PIEZO2: variants seen among roughly 807,000 people sequenced by gnomAD.
PIEZO2 encodes piezo-type mechanosensitive ion channel component 2.
A neutral mutation model predicts 337.3 loss-of-function variants in PIEZO2; 172 were observed. The ratio of observed to expected loss-of-function variants is 0.51; its 90% CI spans 0.45 to 0.58. The LOEUF (loss-of-function observed/expected upper bound fraction) is 0.58. Among genes scored for constraint, PIEZO2 ranks in the 20% least tolerant of loss-of-function variants. The pLI, the probability that PIEZO2 is intolerant of heterozygous loss-of-function variation, is 0.00. For synonymous variants in PIEZO2, 1,251 were observed against 1,228.5 expected, an observed-to-expected ratio of 1.02 and a Z score of -0.38; for missense variants, 3,028 against 3,391.3, an observed-to-expected ratio of 0.89 and a Z score of 2.66.
chr18:10,830,593 GA>G lies in PIEZO2; in HGVS notation c.918-23320del, dbSNP rs2040817376. Among the ~76,000 whole-genome samples, 4 of 152,248 alleles carry G rather than the reference GA, an allele frequency of 2.6e-5. No individual in the cohort carries two copies. In the East Asian group the frequency reaches 7.7e-4, roughly 29 times the overall value. On this transcript the variant is annotated intron_variant, in intron 7 of 55. Transcript: ENST00000674853. The surrounding 1 kb of genome is among the most constrained non-coding windows in gnomAD (Gnocchi z 4.7). ...TAAAACTACTAAAAGAAAACATTGG[GA>G]AAAATCTCCAGGACATTGGTCTGGG... is the stretch of plus-strand genomic sequence containing the variant.
chr18:10,789,476 T>A, intron 14 of PIEZO2, 111 bp from the exon 15 acceptor site: 1 of 1,283,498 alleles, frequency 7.8e-7, no homozygotes, highest in Non-Finnish European at 1.0e-6. Flanking sequence ...AGTTATTGTA[T>A]AATTTGGATG....
chr18:11,066,131 C>T lies in PIEZO2; in HGVS notation c.156G>A (p.Met52Ile). The part of the protein sequence containing the change: ...PLFSEPTKTT[M>I]QGHTGRLLKS... ...ACGATAACAAAATTCTCTTACCTTG[C>T]ATCGTCGTTTTTGTTGGTTCTGAGA... The change falls in exon 2 of 56, where the codon ATG becomes ATA. Residue 52 changes from methionine (M) to isoleucine (I), a missense_variant. Met to Ile is a conservative substitution (Grantham distance 10). This residue lies in a region of PIEZO2 where 542 missense variants were observed against 605.6 expected (regional missense o/e 0.89). Transcript: ENST00000674853. 6.5e-7 allele frequency: 1 copy of T among 1,530,696 alleles called. No homozygotes were observed. The highest frequency in any genetic ancestry group is 1.4e-5 in the African/African-American group (1 of 72,990). The allele number at this position is 1,530,696 out of a possible 1,614,324, so 94.8% of individuals were successfully genotyped here. A position where few individuals can be genotyped will look rare whatever the true frequency, so the allele number is the denominator to read the frequency against.
At chr18:10,799,235 A>C (rs1450075345) in intron 11 of PIEZO2, among the ~76,000 whole-genome samples, 2 of 152,222 alleles carry the variant, frequency 1.3e-5, no homozygotes, top group Non-Finnish European at 2.9e-5. Context: ...ACAAGGTCTA[A>C]GAACTCTGGC....
intron 1 of PIEZO2, among the ~76,000 whole-genome samples, chr18:11,118,032 G>C (rs1388686944): frequency 6.6e-6 from 1 of 152,230 alleles, no homozygotes; most frequent in Non-Finnish European, 1.5e-5. Context: ...CAGCACACAT[G>C]TAACAATTTT....
Position 10,726,325 on chromosome 18 carries a change from G to A in PIEZO2, c.5029+5082C>T. ...GGCCAGGTGGAGCAGGTGGGTCCCC[G>A]AACGCCCCGCCCAGCGCTGCCTCCC... On this transcript the variant is annotated intron_variant, in intron 36 of 55. Transcript: ENST00000674853. This position sits in a 1 kb window ranked among gnomAD's most constrained non-coding sequence, Gnocchi z 5.9. 1 of 1,404,902 alleles carries A rather than the reference G, an allele frequency of 7.1e-7. No homozygotes were observed. The highest frequency in any genetic ancestry group is 9.6e-7 in the Non-Finnish European group (1 of 1,045,994). 87.0% of individuals were successfully genotyped at this position (1,404,902 alleles called of 1,614,324 possible). A position where few individuals can be genotyped will look rare whatever the true frequency, so the allele number is the denominator to read the frequency against.
intron 33 of PIEZO2, chr18:10,740,490 T>G (rs1010671301): frequency 6.5e-6 from 1 of 153,672 alleles, no homozygotes; most frequent in African/African-American, 2.4e-5. Context: ...ATCTTTCTAT[T>G]TAATAAATTG....
chr18:10,994,342 A>G (rs1218495151), intron 2 of PIEZO2, among the ~76,000 whole-genome samples: 3 of 151,788 alleles, frequency 2.0e-5, no homozygotes, highest in Non-Finnish European at 4.4e-5. Context: ...TTTTCCTCTT[A>G]GTAGATATCC....
intron 2 of PIEZO2, among the ~76,000 whole-genome samples, chr18:10,996,552 A>G (rs1807443242): frequency 6.6e-6 from 1 of 152,118 alleles, no homozygotes; most frequent in Non-Finnish European, 1.5e-5. Context: ...TTCTGTCCCT[A>G]TGGATTTTTC....
At chr18:11,067,108 G>A (rs1019253111) in intron 1 of PIEZO2, among the ~76,000 whole-genome samples, 4 of 152,014 alleles carry the variant, frequency 2.6e-5, no homozygotes, top group African/African-American at 9.7e-5. Flanking sequence ...AGAAAGAAAT[G>A]AAAAAACTGA....
chr18:10,897,289 C>T (rs1306705304), intron 4 of PIEZO2, among the ~76,000 whole-genome samples: 2 of 152,024 alleles, frequency 1.3e-5, no homozygotes, highest in Non-Finnish European at 2.9e-5. Flanking sequence ...CAGGCTCAAG[C>T]GATTCTCCTG....
chr18:10,838,367 C>A (rs886985130), intron 7 of PIEZO2, among the ~76,000 whole-genome samples: 2 of 152,112 alleles, frequency 1.3e-5, no homozygotes, highest in African/African-American at 4.8e-5. Flanking sequence ...AAATTGTAAT[C>A]TGATAGATTT....
rs1361639787 is a variant in PIEZO2, at chr18:10,855,328, G to A, written c.917+25C>T. On this transcript the variant is annotated intron_variant, in intron 7 of 55. Coordinates refer to ENST00000674853, the MANE Select transcript of PIEZO2 (RefSeq NM_001378183.1). This position sits in a 1 kb window ranked among gnomAD's most constrained non-coding sequence, Gnocchi z 4.9. ...AGGCGTGGGGGGACAACCTCTCCTG[G>A]AAATGCCATAAGGATTTCTCTTACC... is the stretch of plus-strand genomic sequence containing the variant. 3 of 1,510,738 alleles carry A rather than the reference G, an allele frequency of 2.0e-6. No homozygotes were observed. Among genetic ancestry groups the A allele is most frequent in the Non-Finnish European group, 2.7e-6 (3 of 1,123,116 alleles). 93.6% of individuals were successfully genotyped at this position (1,510,738 alleles called of 1,614,324 possible).
intron 5 of PIEZO2, among the ~76,000 whole-genome samples, chr18:10,865,301 C>G (rs2041976623): frequency 6.6e-6 from 1 of 152,116 alleles, no homozygotes; most frequent in Non-Finnish European, 1.5e-5. Flanking sequence ...TTTAATTATA[C>G]AAGAATAATC....
intron 2 of PIEZO2, among the ~76,000 whole-genome samples, chr18:11,022,002 C>A (rs886110019): frequency 6.6e-6 from 1 of 152,178 alleles, no homozygotes; most frequent in Non-Finnish European, 1.5e-5. Context: ...CCCAGGCATA[C>A]ATCTGTGTCT....
At chr18:11,060,667 T>A (rs2037915418) in intron 2 of PIEZO2, among the ~76,000 whole-genome samples, 1 of 152,146 alleles carries the variant, frequency 6.6e-6, no homozygotes, top group South Asian at 2.1e-4. Flanking sequence ...AAGAAAAGGA[T>A]AAATTCCTTG....
chr18:10,934,682 T>TGTGTGTGTGTGTGTGTGTGTGTGTGTGTG (rs57395445), intron 3 of PIEZO2, among the ~76,000 whole-genome samples: 1 of 143,002 alleles, frequency 7.0e-6, no homozygotes, highest in African/African-American at 2.6e-5. Context: ...TGTGTGTGTG[T>TGTGTGTGTGTGTGTGTGTGTGTGTGTGTG]TGGGCTCCTT....
At position 10,789,132 on chromosome 18, in the gene PIEZO2, T is replaced by C. The variant is rs2039326675; in HGVS notation, c.2116A>G (p.Met706Val). 2 of 1,537,164 alleles carry C rather than the reference T, an allele frequency of 1.3e-6. No homozygotes were observed. The highest frequency in any genetic ancestry group is 1.7e-6 in the Non-Finnish European group (2 of 1,146,910). ...FFVSFEGKIV[M>V]YKIIYMVLFL... ...AGCACCATGTAGATGATTTTGTACA[T>C]TACGATTTTACCCTCGAAGCTGACG... is the stretch of plus-strand genomic sequence containing the variant. The change falls in exon 15 of 56, where the codon ATG (methionine) becomes GTG (valine). Residue 706 changes from methionine to valine, a missense_variant. By Grantham distance (21) the Met-to-Val change is conservative (BLOSUM62 1). Coordinates refer to ENST00000674853, the MANE Select transcript of PIEZO2 (RefSeq NM_001378183.1).
chr18:10,763,009 T>A lies in PIEZO2; in HGVS notation c.3036A>T (p.Thr1012=), dbSNP rs7227167. The A allele has an allele frequency of 5.3e-5, 82 of 1,537,252 alleles. No individual in the cohort carries two copies. The highest frequency in any genetic ancestry group is 6.9e-5 in the Non-Finnish European group (79 of 1,146,910). Residue 1012 remains threonine (T), a synonymous_variant, in exon 22 of 56, where the codon ACA becomes ACT. Transcript: ENST00000674853. The stretch of plus-strand genomic sequence containing the variant: ...AGACGATGATCACACACGTCCAGAC[T>A]GTGCAGACACTTGAAGCCAGACGGC... ...KLRRLASSVC[T]VWTCVIIVCK...
At chr18:11,095,234 A>G (rs1257892241) in intron 1 of PIEZO2, among the ~76,000 whole-genome samples, 2 of 152,228 alleles carry the variant, frequency 1.3e-5, no homozygotes, top group Non-Finnish European at 2.9e-5. Flanking sequence ...CCTTATCAGC[A>G]CTTGGACTTG....
Sources: gnomAD v4.1 joint callset for allele counts (sites outside exome capture counted in the v4.1 genomes callset) on GRCh38, gnomAD v4.1.1 for gene constraint, gnomAD v4.1.1 regional missense constraint, Gnocchi (gnomAD v3.1) non-coding constraint, MANE v1.5 for transcripts, NCBI Gene and HGNC (gene_info 2026-07-23, HGNC 2026-07-21) for gene names.